CENPP: variants seen among roughly 807,000 people sequenced by gnomAD.
CENPP encodes the protein centromere protein P.
In CENPP, 24 loss-of-function variants were observed where a neutral mutation model predicts 35.6. That is an observed-to-expected ratio of 0.67 (90% CI 0.49 to 0.95). The LOEUF is 0.95. CENPP is among the 40% of genes least tolerant of loss of function. The pLI is 0.00. For synonymous variants in CENPP, 120 were observed against 125.5 expected (o/e 0.96, Z 0.29); for missense variants, 332 against 345.3 (o/e 0.96, Z 0.31).
intron 5 of CENPP, chr9:92,535,855 C>T: frequency 2.7e-6 from 1 of 376,976 alleles, no homozygotes; most frequent in South Asian, 2.1e-5. Flanking sequence ...AAGAGTTAAA[C>T]AGTTGTGAAA....
intron 5 of CENPP, among the ~76,000 whole-genome samples, chr9:92,530,714 T>A (rs1848700119): frequency 6.6e-6 from 1 of 152,198 alleles, no homozygotes; most frequent in Non-Finnish European, 1.5e-5. Flanking sequence ...CTTTTTTGAC[T>A]TTTTAGATTC....
chr9:92,495,989 A>G, intron 5 of CENPP: 1 of 994,764 alleles, frequency 1.0e-6, no homozygotes, highest in Non-Finnish European at 1.2e-6. Context: ...AGCTAACACC[A>G]GTATTCAAGT....
At chr9:92,468,896 A>C (rs1845410406) in intron 5 of CENPP, among the ~76,000 whole-genome samples, 1 of 152,238 alleles carries the variant, frequency 6.6e-6, no homozygotes, top group South Asian at 2.1e-4. Context: ...CCCTGTGAAT[A>C]ACAAGAATAA....
intron 5 of CENPP, chr9:92,493,969 C>T (rs574409447): frequency 9.5e-5 from 90 of 943,716 alleles, no homozygotes; most frequent in Admixed American, 3.8e-4. Flanking sequence ...TGAGGGTGGC[C>T]GTAGTCTCCT....
chr9:92,417,065 T>C, intron 5 of CENPP: 1 of 1,613,986 alleles, frequency 6.2e-7, no homozygotes, highest in South Asian at 1.1e-5. Flanking sequence ...AAGGAGTCTT[T>C]CCAGAGATTT....
At chr9:92,487,182 A>G (rs904380677) in intron 5 of CENPP, among the ~76,000 whole-genome samples, 2 of 152,214 alleles carry the variant, frequency 1.3e-5, no homozygotes, top group Non-Finnish European at 2.9e-5. Context: ...CTTTCCACTG[A>G]GCAGACCTGA....
chr9:92,522,912 T>C, intron 5 of CENPP: 1 of 1,543,798 alleles, frequency 6.5e-7, no homozygotes. Context: ...AAACAATATT[T>C]CAAAGTTAGT....
chr9:92,525,125 G>T (rs1055165593), intron 5 of CENPP, among the ~76,000 whole-genome samples: 2 of 152,042 alleles, frequency 1.3e-5, no homozygotes, highest in African/African-American at 4.8e-5. Context: ...TAAGACCAGA[G>T]TAAGGAACAT....
At position 92,352,505 on chromosome 9, in the gene CENPP, G is replaced by GTA. The variant is rs1554753078; in HGVS notation, c.467+6721_467+6722dup. Among the ~76,000 whole-genome samples the GTA allele has an allele frequency of 1.7e-3, 86 of 49,732 alleles. 2 individuals are homozygous for GTA. Among genetic ancestry groups the GTA allele is most frequent in the African/African-American group, 0.012 (68 of 5,534 alleles). 32.6% of individuals were successfully genotyped at this position (49,732 alleles called of 152,430 possible). ...TGTGTGTGTGTGTGTGTGTGTGTGT[G>GTA]TATACATATATATATATATATATAT... is the stretch of plus-strand genomic sequence containing the variant. On this transcript the variant is annotated intron_variant, in intron 4 of 7. Coordinates refer to ENST00000375587, the MANE Select transcript of CENPP (RefSeq NM_001012267.3).
chr9:92,427,849 T>C (rs1310651320), intron 5 of CENPP, among the ~76,000 whole-genome samples: 2 of 152,132 alleles, frequency 1.3e-5, no homozygotes, highest in Non-Finnish European at 2.9e-5. Flanking sequence ...GAACTAAATA[T>C]GGTGATGGGG....
At chr9:92,590,485 T>C (rs1383659121) in intron 5 of CENPP, among the ~76,000 whole-genome samples, 4 of 152,250 alleles carry the variant, frequency 2.6e-5, no homozygotes, top group Non-Finnish European at 5.9e-5. Flanking sequence ...TTGGCTATTT[T>C]GTCTTTAAGA....
At chr9:92,428,738 A>G (rs1227251545) in intron 5 of CENPP, among the ~76,000 whole-genome samples, 5 of 152,084 alleles carry the variant, frequency 3.3e-5, no homozygotes, top group Non-Finnish European at 5.9e-5. Flanking sequence ...TGTTACTTCC[A>G]GTGATGCTTT....
intron 5 of CENPP, among the ~76,000 whole-genome samples, chr9:92,568,295 C>T (rs1038430680): frequency 6.6e-6 from 1 of 152,114 alleles, no homozygotes; most frequent in Non-Finnish European, 1.5e-5. Context: ...TCCAAGTATT[C>T]TCATTGTTCA....
chr9:92,500,804 A>G, intron 5 of CENPP: 1 of 1,614,200 alleles, frequency 6.2e-7, no homozygotes, highest in East Asian at 2.2e-5. Flanking sequence ...ATTTTAAGTC[A>G]TTGTGATCCA....
At chr9:92,482,374 CTG>C (rs1845942023) in intron 5 of CENPP, 1 of 152,090 alleles carries the variant, frequency 6.6e-6, no homozygotes, top group South Asian at 2.1e-4. Flanking sequence ...TTCTCAGACA[CTG>C]TGTAAGAAGA....
Position 92,326,009 on chromosome 9 carries a change from A to G in CENPP, c.11A>G (p.Glu4Gly), listed in dbSNP as rs1166858256. Reference protein sequence around the residue: MDAELAEVRALQAE... With the variant: MDAGLAEVRALQAE... ...GGTCAGCAACGCGCCATGGACGCAG[A>G]GCTGGCAGAGGTGCGCGCCTTGCAA... The change falls in exon 1 of 8, where the codon GAG (glutamate) becomes GGG (glycine). Residue 4 changes from glutamate (E) to glycine (G), a missense_variant. By Grantham distance (98) the Glu-to-Gly change is moderately conservative. Transcript: ENST00000375587. The G allele has an allele frequency of 1.3e-6, 2 of 1,552,456 alleles. No individual in the cohort carries two copies. The highest frequency in any genetic ancestry group is 1.7e-6 in the Non-Finnish European group (2 of 1,148,280).
intron 5 of CENPP, among the ~76,000 whole-genome samples, chr9:92,572,453 G>C (rs1167821152): frequency 6.6e-6 from 1 of 152,202 alleles, no homozygotes; most frequent in South Asian, 2.1e-4. Flanking sequence ...TCTGCCGAGA[G>C]ATCCGCTGTT....
chr9:92,572,733 A>T (rs1850175789), intron 5 of CENPP, among the ~76,000 whole-genome samples: 1 of 152,112 alleles, frequency 6.6e-6, no homozygotes, highest in African/African-American at 2.4e-5. Context: ...CACCAATCAG[A>T]TGTAGATTTG....
chr9:92,353,420 G>C (rs1841513831), intron 4 of CENPP, among the ~76,000 whole-genome samples: 2 of 152,144 alleles, frequency 1.3e-5, no homozygotes, highest in African/African-American at 4.8e-5. Flanking sequence ...GTCCTGTTTG[G>C]ATTGGGCTGT....
Sources: gnomAD v4.1 joint callset for allele counts (sites outside exome capture counted in the v4.1 genomes callset) on GRCh38, gnomAD v4.1.1 for gene constraint, MANE v1.5 for transcripts, NCBI Gene and HGNC (gene_info 2026-07-23, HGNC 2026-07-21) for gene names.